Variants in ARID5B observed in about 807,000 individuals in gnomAD.
ARID5B encodes AT-rich interactive domain-containing protein 5B.
ARID5B carries 13 observed loss-of-function variants against 97.2 expected under a neutral mutation model. The observed-to-expected ratio is 0.13, with a 90% CI of 0.09 to 0.21. The LOEUF (loss-of-function observed/expected upper bound fraction) is 0.21, where lower values mean the gene tolerates loss of function less well. Among genes scored for constraint, ARID5B ranks in the 10% least tolerant of loss-of-function variants. The probability of loss-of-function intolerance (pLI) is 1.00; values close to 1 mark genes in which losing one functional copy is unlikely to be tolerated. For synonymous variants in ARID5B, 556 were observed against 570.3 expected (o/e 0.97, Z 0.36); for missense variants, 1,210 against 1,465.3 (o/e 0.83, Z 2.84).
intron 3 of ARID5B, among the ~76,000 whole-genome samples, chr10:61,975,700 T>C (rs2132839144): frequency 6.6e-6 from 1 of 152,348 alleles, no homozygotes; most frequent in East Asian, 1.9e-4. Flanking sequence ...ATTAGAACTA[T>C]TGTCATTGCA....
At chr10:61,976,383 T>C (rs1378228322) in intron 3 of ARID5B, among the ~76,000 whole-genome samples, 2 of 152,164 alleles carry the variant, frequency 1.3e-5, no homozygotes, top group Non-Finnish European at 2.9e-5. Flanking sequence ...AGTAAATGGC[T>C]TTAATTGCCA....
chr10:61,915,378 C>T (rs1318929303), intron 2 of ARID5B, among the ~76,000 whole-genome samples: 1 of 152,130 alleles, frequency 6.6e-6, no homozygotes, highest in African/African-American at 2.4e-5. Context: ...AATACAAGTG[C>T]CTATGTCAGG....
intron 3 of ARID5B, among the ~76,000 whole-genome samples, chr10:61,954,610 T>A (rs1274251309): frequency 6.6e-6 from 1 of 152,138 alleles, no homozygotes; most frequent in Non-Finnish European, 1.5e-5. Flanking sequence ...TGTGAACTGG[T>A]GTTCTTGTGG....
At chr10:62,051,659 G>A (rs1242761539) in intron 5 of ARID5B, among the ~76,000 whole-genome samples, 1 of 152,192 alleles carries the variant, frequency 6.6e-6, no homozygotes, top group Non-Finnish European at 1.5e-5. Flanking sequence ...GTGCATGCAT[G>A]CCTGAAGTAT....
intron 4 of ARID5B, among the ~76,000 whole-genome samples, chr10:62,039,506 G>A (rs567169092): frequency 2.6e-5 from 4 of 151,896 alleles, no homozygotes; most frequent in African/African-American, 9.7e-5. Flanking sequence ...CTTTTGATTG[G>A]CATGTAGTGT....
At chr10:61,937,656 C>A (rs1458370370) in intron 2 of ARID5B, among the ~76,000 whole-genome samples, 1 of 152,108 alleles carries the variant, frequency 6.6e-6, no homozygotes, top group African/African-American at 2.4e-5. Flanking sequence ...AGTGCTAATT[C>A]TCAGTTTGCA....
intron 3 of ARID5B, among the ~76,000 whole-genome samples, chr10:61,990,889 A>G (rs564304011): frequency 2.6e-5 from 4 of 152,264 alleles, no homozygotes; most frequent in South Asian, 2.1e-4. Flanking sequence ...AAAACTTTGT[A>G]TGCATTAAGC....
At chr10:61,996,445 C>T (rs1464394674) in intron 3 of ARID5B, among the ~76,000 whole-genome samples, 1 of 152,080 alleles carries the variant, frequency 6.6e-6, no homozygotes, top group East Asian at 1.9e-4. Context: ...GTCCCAGCTA[C>T]TCAGGAGGCA....
chr10:61,930,687 T>C (rs1268942066), intron 2 of ARID5B, among the ~76,000 whole-genome samples: 2 of 147,434 alleles, frequency 1.4e-5, no homozygotes, highest in African/African-American at 5.1e-5. Context: ...ACCACTGCAC[T>C]CCAGCCTGGG....
At chr10:62,046,580 C>G (rs1027087428) in intron 4 of ARID5B, 15 of 152,186 alleles carry the variant, frequency 9.9e-5, no homozygotes, top group African/African-American at 3.6e-4. Context: ...GCTTGATTCT[C>G]TGAGGATTAA....
Position 62,094,387 on chromosome 10 carries a change from C to A in ARID5B, c.*1357C>A, listed in dbSNP as rs1840434679. On this transcript the variant is annotated 3_prime_UTR_variant, in exon 10 of 10. Transcript: ENST00000279873. The stretch of plus-strand genomic sequence containing the variant: ...CCAAGAAGAATCTCCCAGGCCACAT[C>A]TTTGGGGATAACTGACATACTGGAT... The A allele has an allele frequency of 4.3e-6, 1 of 230,396 alleles. No individual in the cohort carries two copies. The highest frequency in any genetic ancestry group is 5.7e-5 in the Admixed American group (1 of 17,648). The allele number at this position is 230,396 out of a possible 1,614,324, so 14.3% of individuals were successfully genotyped here. A position where few individuals can be genotyped will look rare whatever the true frequency, so the allele number is the denominator to read the frequency against.
Position 62,092,515 on chromosome 10 carries a change from G to C in ARID5B, c.3052G>C (p.Asp1018His). 1 of 1,614,226 alleles carries C rather than the reference G, an allele frequency of 6.2e-7. No individual in the cohort carries two copies. Among genetic ancestry groups the C allele is most frequent in the Non-Finnish European group, 8.5e-7 (1 of 1,180,038 alleles). ...GCGGCCGATCAAGCGCAGCCTGGAG[G>C]ATTTGGACCTTGTGATTGCAGGGAA... ...AARPIKRSLE[D>H]LDLVIAGKKA... Residue 1018 changes from aspartate (D) to histidine (H), a missense_variant, in exon 10 of 10, where the codon GAT (aspartate) becomes CAT (histidine). By Grantham distance (81) the Asp-to-His change is moderately conservative. This residue lies in a region of ARID5B where 800 missense variants were observed against 839.1 expected (regional missense o/e 0.95). Transcript: ENST00000279873.
Position 62,093,204 on chromosome 10 carries a change from C to G in ARID5B, c.*174C>G. 1 of 972,744 alleles carries G rather than the reference C, an allele frequency of 1.0e-6. No individual in the cohort carries two copies. The highest frequency in any genetic ancestry group is 2.7e-5 in the East Asian group (1 of 37,344). The allele number at this position is 972,744 out of a possible 1,614,324, so 60.3% of individuals were successfully genotyped here. On this transcript the variant is annotated 3_prime_UTR_variant, in exon 10 of 10. Coordinates refer to ENST00000279873, the MANE Select transcript of ARID5B (RefSeq NM_032199.3). ...AACATGCCTGATTTTTGTGGGACAA[C>G]TCTAGCCCACAAACTGACTGGCTGG...
At chr10:61,945,204 A>T (rs1404136388) in intron 3 of ARID5B, among the ~76,000 whole-genome samples, 1 of 152,210 alleles carries the variant, frequency 6.6e-6, no homozygotes, top group Non-Finnish European at 1.5e-5. Context: ...ATTTGAAGAC[A>T]TGCCTCTTAT....
intron 2 of ARID5B, among the ~76,000 whole-genome samples, chr10:61,909,819 A>C (rs1434202461): frequency 6.6e-6 from 1 of 152,240 alleles, no homozygotes; most frequent in East Asian, 1.9e-4. Flanking sequence ...TTTGCACTGT[A>C]GAATGTGAAA....
chr10:61,919,488 A>T (rs1589218908), intron 2 of ARID5B, among the ~76,000 whole-genome samples: 1 of 152,254 alleles, frequency 6.6e-6, no homozygotes, highest in East Asian at 1.9e-4. Context: ...GGCTGGGGGG[A>T]ATCTCAGAAG....
chr10:61,975,822 A>T (rs1838691487), intron 3 of ARID5B, among the ~76,000 whole-genome samples: 1 of 152,176 alleles, frequency 6.6e-6, no homozygotes, highest in Non-Finnish European at 1.5e-5. Context: ...ATAGGGAGCG[A>T]TCTAGAAATA....
rs1840378395 is a variant in ARID5B at position 62,091,804 on chromosome 10, T to C, written c.2341T>C (p.Ser781Pro). 1 of 1,613,910 alleles carries C rather than the reference T, an allele frequency of 6.2e-7. No homozygotes were observed. The highest frequency in any genetic ancestry group is 1.1e-5 in the South Asian group (1 of 91,070). ...DIFKHEKLSR[S>P]DPHRCSFSKH... is the part of the protein sequence containing the mutation. Reference sequence around the variant, plus strand: ...CTTTAAGCATGAGAAACTGAGTCGATCAGATCCCCACCGCTGCAGCTTCTC... The same window carrying C: ...CTTTAAGCATGAGAAACTGAGTCGACCAGATCCCCACCGCTGCAGCTTCTC... Residue 781 changes from serine (S) to proline (P), a missense_variant, in exon 10 of 10, where the codon TCA (serine) becomes CCA (proline). By Grantham distance (74) the Ser-to-Pro change is moderately conservative. This residue lies in a region of ARID5B where 800 missense variants were observed against 839.1 expected (regional missense o/e 0.95). Transcript: ENST00000279873.
chr10:62,073,123 C>A (rs956996212), intron 8 of ARID5B, among the ~76,000 whole-genome samples: 2 of 152,186 alleles, frequency 1.3e-5, no homozygotes, highest in Non-Finnish European at 2.9e-5. Flanking sequence ...CCTTCCAAAC[C>A]AAATCAGGAT....
Sources: allele counts gnomAD v4.1 joint callset (sites outside exome capture counted in the v4.1 genomes callset), GRCh38; gene constraint gnomAD v4.1.1; regional missense constraint gnomAD v4.1.1; transcripts MANE v1.5; gene names NCBI Gene and HGNC (gene_info 2026-07-23, HGNC 2026-07-21).